Variants in MUC7 observed in about 807,000 individuals in gnomAD.
MUC7 encodes mucin 7, secreted, also known as mucin-7.
MUC7 carries 2 observed loss-of-function variants against 2.5 expected under a neutral mutation model. The ratio of observed to expected loss-of-function variants is 0.81; its 90% CI spans 0.33 to 2.55. The LOEUF (loss-of-function observed/expected upper bound fraction) is 2.55. Among genes scored for constraint, MUC7 ranks in the 30% most tolerant of loss-of-function variants. The pLI, the probability that MUC7 is intolerant of heterozygous loss-of-function variation, is 0.11. For synonymous variants in MUC7, 133 were observed against 173.4 expected, an observed-to-expected ratio of 0.77 and a Z score of 1.83; for missense variants, 408 against 455.6, an observed-to-expected ratio of 0.90 and a Z score of 0.95.
At chr4:70,465,002 C>A (rs934028409) in intron 1 of MUC7, among the ~76,000 whole-genome samples, 1 of 152,062 alleles carries the variant, frequency 6.6e-6, no homozygotes, top group Non-Finnish European at 1.5e-5. Context: ...AGGAGAGTTC[C>A]GGTTGGCATC....
At chr4:70,445,942 C>G (rs534140110) in intron 1 of MUC7, among the ~76,000 whole-genome samples, 2 of 152,312 alleles carry the variant, frequency 1.3e-5, no homozygotes, top group African/African-American at 4.8e-5. Context: ...GACCTTCTCT[C>G]TGTATGTTCA....
Position 70,445,300 on chromosome 4 carries a change from C to A in MUC7, c.-93+14613C>A, listed in dbSNP as rs546430911. ...CATATTACCTTCCTTGAAACCACAA[C>A]TCCACTAACTGTTGCTCCAGCTGGT... On this transcript the variant is annotated intron_variant, in intron 1 of 3. Transcript: ENST00000413702. 3.9e-5 allele frequency among the ~76,000 whole-genome samples: 6 copies of A among 152,254 alleles called. No homozygotes were observed. In the East Asian group the frequency reaches 1.2e-3, roughly 29 times the overall value.
At chr4:70,455,643 A>T (rs1352332548) in intron 1 of MUC7, among the ~76,000 whole-genome samples, 1 of 152,198 alleles carries the variant, frequency 6.6e-6, no homozygotes, top group Non-Finnish European at 1.5e-5. Flanking sequence ...TATTTATAAT[A>T]AAATTTTTAT....
chr4:70,475,428 T>C (rs1734970262), intron 2 of MUC7, among the ~76,000 whole-genome samples: 1 of 152,186 alleles, frequency 6.6e-6, no homozygotes, highest in Non-Finnish European at 1.5e-5. Flanking sequence ...GGGTAAAGTC[T>C]ATATTTAAAA....
chr4:70,474,533 G>A (rs1734938410), intron 2 of MUC7, among the ~76,000 whole-genome samples: 1 of 151,072 alleles, frequency 6.6e-6, no homozygotes, highest in Admixed American at 6.7e-5. Context: ...ATACAGATAG[G>A]TAGATAGACT....
intron 1 of MUC7, among the ~76,000 whole-genome samples, chr4:70,447,911 T>C (rs1734184416): frequency 6.6e-6 from 1 of 152,148 alleles, no homozygotes; most frequent in Non-Finnish European, 1.5e-5. Context: ...TTATACCCAC[T>C]AACCATCCAC....
intron 1 of MUC7, among the ~76,000 whole-genome samples, chr4:70,439,426 T>C (rs1733947816): frequency 6.6e-6 from 1 of 152,164 alleles, no homozygotes; most frequent in African/African-American, 2.4e-5. Flanking sequence ...CGACTTTTGT[T>C]TTTAAAAGCA....
intron 1 of MUC7, among the ~76,000 whole-genome samples, chr4:70,454,297 A>G (rs1411405094): frequency 6.6e-6 from 1 of 152,212 alleles, no homozygotes; most frequent in Non-Finnish European, 1.5e-5. Flanking sequence ...CAGCGATGGC[A>G]AGGCTTGCCA....
intron 1 of MUC7, among the ~76,000 whole-genome samples, chr4:70,439,285 T>C (rs1464789430): frequency 1.3e-5 from 2 of 152,038 alleles, no homozygotes; most frequent in Non-Finnish European, 2.9e-5. Context: ...AATCTGGAAG[T>C]GAGTGATTGT....
intron 2 of MUC7, among the ~76,000 whole-genome samples, chr4:70,475,038 G>T (rs538037222): frequency 6.6e-6 from 1 of 152,126 alleles, no homozygotes; most frequent in South Asian, 2.1e-4. Flanking sequence ...CAGCACTTTC[G>T]GAGGCCAAGG....
chr4:70,467,717 T>C (rs535133505), upstream of MUC7, among the ~76,000 whole-genome samples: 15 of 152,206 alleles, frequency 9.9e-5, no homozygotes, highest in Admixed American at 7.2e-4. Flanking sequence ...CAGGAAGAAA[T>C]TGAATCCCTG....
intron 2 of MUC7, among the ~76,000 whole-genome samples, chr4:70,479,256 G>C (rs1577917198): frequency 6.6e-6 from 1 of 152,278 alleles, no homozygotes; most frequent in South Asian, 2.1e-4. Context: ...CTTTGAAATA[G>C]TTATGTGGTT....
chr4:70,475,302 G>A (rs1333872507), intron 2 of MUC7, among the ~76,000 whole-genome samples: 1 of 151,862 alleles, frequency 6.6e-6, no homozygotes, highest in Non-Finnish European at 1.5e-5. Context: ...AGAAAGAAAT[G>A]AACAAAAACG....
At chr4:70,455,117 G>A (rs1734381172) in intron 1 of MUC7, among the ~76,000 whole-genome samples, 1 of 151,310 alleles carries the variant, frequency 6.6e-6, no homozygotes, top group Non-Finnish European at 1.5e-5. Context: ...CATGATTTAT[G>A]CTAATTTTTT....
At chr4:70,431,859 G>T (rs1319760524) in intron 1 of MUC7, among the ~76,000 whole-genome samples, 1 of 151,908 alleles carries the variant, frequency 6.6e-6, no homozygotes, top group Non-Finnish European at 1.5e-5. Flanking sequence ...TAACTCGTCA[G>T]TAACATTAGG....
chr4:70,449,227 T>C (rs960643966), intron 1 of MUC7, among the ~76,000 whole-genome samples: 1 of 152,188 alleles, frequency 6.6e-6, no homozygotes, highest in Admixed American at 6.5e-5. Flanking sequence ...ACGTTACTGA[T>C]AAAGACATAC....
intron 1 of MUC7, among the ~76,000 whole-genome samples, chr4:70,465,110 G>T (rs1734649460): frequency 1.3e-5 from 2 of 152,208 alleles, no homozygotes; most frequent in African/African-American, 4.8e-5. Flanking sequence ...GGCAAACAGG[G>T]TCTGGAGTGG....
At chr4:70,444,208 G>A (rs1034151251) in intron 1 of MUC7, among the ~76,000 whole-genome samples, 1 of 152,092 alleles carries the variant, frequency 6.6e-6, no homozygotes, top group Admixed American at 6.5e-5. Flanking sequence ...TTGACACCAC[G>A]GTGGCCTCCA....
In MUC7 at chr4:70,481,769, C is replaced by G. The variant is rs149680962; in HGVS notation, c.1025C>G (p.Thr342Ser). 4,885 of 1,614,218 alleles carry G rather than the reference C, an allele frequency of 3.0e-3. 7 individuals are homozygous for G. Among genetic ancestry groups the G allele is most frequent in the Non-Finnish European group, 3.8e-3 (4,456 of 1,180,028 alleles). ...QTTTSVTTQT[T>S]TTKQPTSAPG... ...ACTACTTCGGTCACTACTCAAACTA[C>G]TACTACTAAACAACCAACTTCAGCT... The change falls in exon 3 of 3, where the codon ACT becomes AGT. Residue 342 changes from threonine (T) to serine (S), a missense_variant. By Grantham distance (58) the Thr-to-Ser change is moderately conservative (BLOSUM62 1). This residue lies in a region of MUC7 where 175 missense variants were observed against 187.1 expected (regional missense o/e 0.94). Coordinates refer to ENST00000304887, the MANE Select transcript of MUC7 (RefSeq NM_152291.3).
Sources: allele counts gnomAD v4.1 joint callset (sites outside exome capture counted in the v4.1 genomes callset), GRCh38; gene constraint gnomAD v4.1.1; regional missense constraint gnomAD v4.1.1; transcripts MANE v1.5; gene names NCBI Gene and HGNC (gene_info 2026-07-23, HGNC 2026-07-21).